Variants in TSPYL4 observed in about 807,000 individuals in gnomAD.
The protein encoded by TSPYL4 is TSPY like 4.
TSPYL4 carries 22 observed loss-of-function variants against 24.2 expected under a neutral mutation model. The observed-to-expected ratio is 0.91, with a 90% CI of 0.65 to 1.30. TSPYL4 has a LOEUF of 1.30. Among genes scored for constraint, TSPYL4 ranks in the 50% most tolerant of loss-of-function variants. The pLI is 0.00. For synonymous variants in TSPYL4, 211 were observed against 208.2 expected, an observed-to-expected ratio of 1.01 and a Z score of -0.12; for missense variants, 569 against 536.7, an observed-to-expected ratio of 1.06 and a Z score of -0.60.
At position 116,253,603 on chromosome 6, in the gene TSPYL4, C is replaced by A. The variant is rs1249840660; in HGVS notation, c.406G>T (p.Ala136Ser). ...AGQKALEACG[A>S]GGLGSQMIPG... ...ATCATCTGAGACCCCAAGCCCCCTG[C>A]GCCACAGGCTTCTAGAGCCTTCTGC... Residue 136 changes from alanine (A) to serine (S), a missense_variant, in exon 1 of 1, where the codon GCA becomes TCA. Physicochemically the swap from Ala to Ser is moderately conservative, Grantham distance 99. Transcript: ENST00000420283. The surrounding 1 kb of genome is among the most constrained non-coding windows in gnomAD (Gnocchi z 4.3). 16 of 1,552,788 alleles carry A rather than the reference C, an allele frequency of 1.0e-5. No individual in the cohort carries two copies. In the Admixed American group the frequency reaches 1.6e-4, roughly 15 times the overall value.
At position 116,253,086 on chromosome 6, in the gene TSPYL4, T is replaced by C; in HGVS notation, c.923A>G (p.Asn308Ser). The C allele has an allele frequency of 6.2e-7, 1 of 1,614,064 alleles. No homozygotes were observed. Among genetic ancestry groups the C allele is most frequent in the Non-Finnish European group, 8.5e-7 (1 of 1,180,002 alleles). The change falls in exon 1 of 1, where the codon AAT (asparagine) becomes AGT (serine). Residue 308 changes from asparagine (N) to serine (S), a missense_variant. Transcript: ENST00000420283. The surrounding 1 kb of genome is among the most constrained non-coding windows in gnomAD (Gnocchi z 4.3). ...FIFQGNPYFR[N>S]EGLVKEYERR... ...TTCATATTCCTTGACAAGCCCCTCA[T>C]TTCGGAAGTAGGGGTTGCCCTGAAA...
chr6:116,252,821 T>A lies in TSPYL4; in HGVS notation c.1188A>T (p.Arg396=). 6 of 1,598,154 alleles carry A rather than the reference T, an allele frequency of 3.8e-6. No individual in the cohort carries two copies. Among genetic ancestry groups the A allele is most frequent in the Non-Finnish European group, 5.1e-6 (6 of 1,171,692 alleles). The change falls in exon 1 of 1, where the codon CGA becomes CGT. Residue 396 remains arginine, a synonymous_variant. Transcript: ENST00000420283. The part of the protein sequence containing the change: ...LMGEGPRRGI[R]GPPRQPVESA... ...TCTCCACTGGCTGCCTTGGTGGGCCTCGAATTCCTCTACGGGGCCCTTCAC... is the reference window on the plus strand; with the variant it reads ...TCTCCACTGGCTGCCTTGGTGGGCCACGAATTCCTCTACGGGGCCCTTCAC...
Position 116,253,830 on chromosome 6 carries a change from C to G in TSPYL4, c.179G>C (p.Gly60Ala), listed in dbSNP as rs1200008753. 6.2e-6 allele frequency: 10 copies of G among 1,611,626 alleles called. No individual in the cohort carries two copies. Among genetic ancestry groups the G allele is most frequent in the Non-Finnish European group, 7.6e-6 (9 of 1,179,090 alleles). Residue 60 changes from glycine (G) to alanine (A), a missense_variant, in exon 1 of 1, where the codon GGG becomes GCG. Gly to Ala is a moderately conservative substitution (Grantham distance 60, BLOSUM62 0). Transcript: ENST00000420283. This position sits in a 1 kb window ranked among gnomAD's most constrained non-coding sequence, Gnocchi z 4.3. ...GGGSLETVAE[G>A]GASQDPVDCG... is the part of the protein sequence containing the mutation. ...GTCGACAGGATCCTGGGATGCACCCCCCTCCGCAACGGTCTCCAGGCTGCC... is the reference window on the plus strand; with the variant it reads ...GTCGACAGGATCCTGGGATGCACCCGCCTCCGCAACGGTCTCCAGGCTGCC...
rs1360993676 is a variant in TSPYL4 at position 116,251,058 on chromosome 6, G to C, written c.*1706C>G. On this transcript the variant is annotated 3_prime_UTR_variant, in exon 1 of 1. Coordinates refer to ENST00000420283, the MANE Select transcript of TSPYL4 (RefSeq NM_021648.5). Reference sequence around the variant, plus strand: ...GCAGGGAAGGAAATGCAGAAGCTGAGAAATGAGGGCCAAGAAAGCCAGGCA... The same window carrying C: ...GCAGGGAAGGAAATGCAGAAGCTGACAAATGAGGGCCAAGAAAGCCAGGCA... 3 of 396,642 alleles carry C rather than the reference G, an allele frequency of 7.6e-6. No homozygotes were observed. The South Asian group carries it at 4.2e-4, about 55-fold the overall frequency. The allele number at this position is 396,642 out of a possible 1,614,324, so 24.6% of individuals were successfully genotyped here. A position where few individuals can be genotyped will look rare whatever the true frequency, so the allele number is the denominator to read the frequency against.
In TSPYL4 at chr6:116,251,426, T is replaced by A. The variant is rs1242274205; in HGVS notation, c.*1338A>T. The A allele has an allele frequency of 2.5e-6, 1 of 393,576 alleles. No homozygotes were observed. Among genetic ancestry groups the A allele is most frequent in the Non-Finnish European group, 4.5e-6 (1 of 223,592 alleles). The allele number at this position is 393,576 out of a possible 1,614,324, so 24.4% of individuals were successfully genotyped here. A position where few individuals can be genotyped will look rare whatever the true frequency, so the allele number is the denominator to read the frequency against. ...ACTGCCTATAACTAAACAATTAACC[T>A]ATAGGTCTCCCTTTGAAACTTTCAG... On this transcript the variant is annotated 3_prime_UTR_variant, in exon 1 of 1. Transcript: ENST00000420283.
At position 116,253,829 on chromosome 6, in the gene TSPYL4, C is replaced by A. The variant is rs1459897193; in HGVS notation, c.180G>T (p.Gly60=). 6.2e-7 allele frequency: 1 copy of A among 1,611,558 alleles called. No homozygotes were observed. Among genetic ancestry groups the A allele is most frequent in the South Asian group, 1.1e-5 (1 of 90,422 alleles). The change falls in exon 1 of 1, where the codon GGG becomes GGT. Residue 60 remains glycine (G), a synonymous_variant. Transcript: ENST00000420283. The surrounding 1 kb of genome is among the most constrained non-coding windows in gnomAD (Gnocchi z 4.3). ...GGGSLETVAE[G]GASQDPVDCG... is the part of the protein sequence containing the mutation. The stretch of plus-strand genomic sequence containing the variant: ...AGTCGACAGGATCCTGGGATGCACC[C>A]CCCTCCGCAACGGTCTCCAGGCTGC...
chr6:116,254,013 G>T lies in TSPYL4; in HGVS notation c.-5C>A. 1 of 1,559,558 alleles carries T rather than the reference G, an allele frequency of 6.4e-7. No individual in the cohort carries two copies. The highest frequency in any genetic ancestry group is 8.7e-7 in the Non-Finnish European group (1 of 1,154,084). On this transcript the variant is annotated 5_prime_UTR_variant, in exon 1 of 1. Coordinates refer to ENST00000420283, the MANE Select transcript of TSPYL4 (RefSeq NM_021648.5). The stretch of plus-strand genomic sequence containing the variant: ...GCCCCCATCCAGGCCGCTCATTTTG[G>T]AAGAAGTCAGACTAGTGGGAGAGGG...
chr6:116,253,808 G>T lies in TSPYL4; in HGVS notation c.201C>A (p.Val67=). ...GGACGCGGAGCGCGGGGCCACAGTCGACAGGATCCTGGGATGCACCCCCCT... is the reference window on the plus strand; with the variant it reads ...GGACGCGGAGCGCGGGGCCACAGTCTACAGGATCCTGGGATGCACCCCCCT... The part of the protein sequence containing the change: ...VAEGGASQDP[V]DCGPALRVPV... The change falls in exon 1 of 1, where the codon GTC becomes GTA. Residue 67 remains valine (V), a synonymous_variant. Transcript: ENST00000420283. This position sits in a 1 kb window ranked among gnomAD's most constrained non-coding sequence, Gnocchi z 4.3. 6.2e-7 allele frequency: 1 copy of T among 1,607,602 alleles called. No individual in the cohort carries two copies. The highest frequency in any genetic ancestry group is 8.5e-7 in the Non-Finnish European group (1 of 1,176,848).
chr6:116,253,289 C>T lies in TSPYL4; in HGVS notation c.720G>A (p.Met240Ile), dbSNP rs201915650. The change falls in exon 1 of 1, where the codon ATG (methionine) becomes ATA (isoleucine). Residue 240 changes from methionine (M) to isoleucine (I), a missense_variant. Coordinates refer to ENST00000420283, the MANE Select transcript of TSPYL4 (RefSeq NM_021648.5). This position sits in a 1 kb window ranked among gnomAD's most constrained non-coding sequence, Gnocchi z 4.3. ...RKFGRMRRLH[M>I]QRRSFIIQNI... is the part of the protein sequence containing the mutation. ...TCTGGATAATGAAACTTCTGCGCTGCATGTGGAGCCTTCGCATGCGGCCAA... is the reference window on the plus strand; with the variant it reads ...TCTGGATAATGAAACTTCTGCGCTGTATGTGGAGCCTTCGCATGCGGCCAA... 9.0e-4 allele frequency: 1,448 copies of T among 1,604,940 alleles called. 1 individual carries two copies. Among genetic ancestry groups the T allele is most frequent in the Non-Finnish European group, 1.1e-3 (1,338 of 1,175,308 alleles).
In TSPYL4 at chr6:116,251,233, C is replaced by T. The variant is rs754817259; in HGVS notation, c.*1531G>A. ...TGGAGTGAGGCTAAGTTTTGGTTGC[C>T]TTTGCTCACATCACAAAGGCCTTTG... On this transcript the variant is annotated 3_prime_UTR_variant, in exon 1 of 1. Coordinates refer to ENST00000420283, the MANE Select transcript of TSPYL4 (RefSeq NM_021648.5). 53 of 398,570 alleles carry T rather than the reference C, an allele frequency of 1.3e-4. No homozygotes were observed. Among genetic ancestry groups the T allele is most frequent in the Non-Finnish European group, 2.3e-4 (53 of 226,124 alleles). 24.7% of individuals were successfully genotyped at this position (398,570 alleles called of 1,614,324 possible). A position where few individuals can be genotyped will look rare whatever the true frequency, so the allele number is the denominator to read the frequency against.
rs753855600 is a variant in TSPYL4, at chr6:116,253,796, G to C, written c.213C>G (p.Pro71=). 2.5e-6 allele frequency: 4 copies of C among 1,604,636 alleles called. No individual in the cohort carries two copies. Among genetic ancestry groups the C allele is most frequent in the African/African-American group, 1.3e-5 (1 of 74,764 alleles). The change falls in exon 1 of 1, where the codon CCC becomes CCG. Residue 71 remains proline (P), a synonymous_variant. Coordinates refer to ENST00000420283, the MANE Select transcript of TSPYL4 (RefSeq NM_021648.5). The surrounding 1 kb of genome is among the most constrained non-coding windows in gnomAD (Gnocchi z 4.3). ...TCCCGGCAACTGGGACGCGGAGCGC[G>C]GGGCCACAGTCGACAGGATCCTGGG... ...GASQDPVDCG[P]ALRVPVAGSR...
chr6:116,250,310 G>T lies in TSPYL4; in HGVS notation c.*2454C>A, dbSNP rs1024870109. On this transcript the variant is annotated 3_prime_UTR_variant, in exon 1 of 1. Coordinates refer to ENST00000420283, the MANE Select transcript of TSPYL4 (RefSeq NM_021648.5). ...GAGCAAAACAAGCTAATACATTAAT[G>T]AATATTCACTGAATTCTTCATACTG... is the stretch of plus-strand genomic sequence containing the variant. 20 of 152,592 alleles carry T rather than the reference G, an allele frequency of 1.3e-4. No homozygotes were observed. Among genetic ancestry groups the T allele is most frequent in the African/African-American group, 4.3e-4 (18 of 41,442 alleles). The allele number at this position is 152,592 out of a possible 1,614,324, so 9.5% of individuals were successfully genotyped here.
rs375497924 is a variant in TSPYL4 at position 116,253,989 on chromosome 6, C to A, written c.20G>T (p.Gly7Val). ...GGTTTGGGCGAGAGGGAGCTTGTTGCCCCCATCCAGGCCGCTCATTTTGGA... is the reference window on the plus strand; with the variant it reads ...GGTTTGGGCGAGAGGGAGCTTGTTGACCCCATCCAGGCCGCTCATTTTGGA... MSGLDG[G>V]NKLPLAQTGG... Residue 7 changes from glycine (G) to valine (V), a missense_variant, in exon 1 of 1, where the codon GGC (glycine) becomes GTC (valine). Coordinates refer to ENST00000420283, the MANE Select transcript of TSPYL4 (RefSeq NM_021648.5). The surrounding 1 kb of genome is among the most constrained non-coding windows in gnomAD (Gnocchi z 4.3). 1 of 1,587,348 alleles carries A rather than the reference C, an allele frequency of 6.3e-7. No homozygotes were observed. Among genetic ancestry groups the A allele is most frequent in the East Asian group, 2.2e-5 (1 of 44,640 alleles).
chr6:116,251,071 A>G lies in TSPYL4; in HGVS notation c.*1693T>C. The stretch of plus-strand genomic sequence containing the variant: ...TGCAGAAGCTGAGAAATGAGGGCCA[A>G]GAAAGCCAGGCAGTAGGATGGAGAC... On this transcript the variant is annotated 3_prime_UTR_variant, in exon 1 of 1. Transcript: ENST00000420283. The G allele has an allele frequency of 2.5e-6, 1 of 397,266 alleles. No individual in the cohort carries two copies. The highest frequency in any genetic ancestry group is 4.4e-6 in the Non-Finnish European group (1 of 225,570). 24.6% of individuals were successfully genotyped at this position (397,266 alleles called of 1,614,324 possible). A position where few individuals can be genotyped will look rare whatever the true frequency, so the allele number is the denominator to read the frequency against.
rs1314136991 is a variant in TSPYL4 at position 116,253,135 on chromosome 6, C to T, written c.874G>A (p.Ala292Thr). The T allele has an allele frequency of 1.2e-6, 2 of 1,614,022 alleles. No homozygotes were observed. The highest frequency in any genetic ancestry group is 1.6e-4 in the Middle Eastern group (1 of 6,062). The change falls in exon 1 of 1, where the codon GCA becomes ACA. Residue 292 changes from alanine (A) to threonine (T), a missense_variant. Physicochemically the swap from Ala to Thr is moderately conservative, Grantham distance 58 (BLOSUM62 0). Coordinates refer to ENST00000420283, the MANE Select transcript of TSPYL4 (RefSeq NM_021648.5). The surrounding 1 kb of genome is among the most constrained non-coding windows in gnomAD (Gnocchi z 4.3). Reference protein sequence around the residue: ...LEVEELKHPRAGCKFKFIFQG... With the variant: ...LEVEELKHPRTGCKFKFIFQG... Reference sequence around the variant, plus strand: ...AAGATGAACTTGAATTTGCAGCCTGCTCTGGGGTGTTTAAGCTCCTCCACC... The same window carrying T: ...AAGATGAACTTGAATTTGCAGCCTGTTCTGGGGTGTTTAAGCTCCTCCACC...
chr6:116,253,127 G>C lies in TSPYL4; in HGVS notation c.882C>G (p.Cys294Trp). 3 of 1,614,072 alleles carry C rather than the reference G, an allele frequency of 1.9e-6. No individual in the cohort carries two copies. The highest frequency in any genetic ancestry group is 8.5e-7 in the Non-Finnish European group (1 of 1,179,982). The change falls in exon 1 of 1, where the codon TGC becomes TGG. Residue 294 changes from cysteine (C) to tryptophan (W), a missense_variant. Transcript: ENST00000420283. The surrounding 1 kb of genome is among the most constrained non-coding windows in gnomAD (Gnocchi z 4.3). Reference sequence around the variant, plus strand: ...TGCCCTGAAAGATGAACTTGAATTTGCAGCCTGCTCTGGGGTGTTTAAGCT... The same window carrying C: ...TGCCCTGAAAGATGAACTTGAATTTCCAGCCTGCTCTGGGGTGTTTAAGCT... ...VEELKHPRAG[C>W]KFKFIFQGNP...
Position 116,253,128 on chromosome 6 carries a change from C to A in TSPYL4, c.881G>T (p.Cys294Phe). ...VEELKHPRAG[C>F]KFKFIFQGNP... Reference sequence around the variant, plus strand: ...GCCCTGAAAGATGAACTTGAATTTGCAGCCTGCTCTGGGGTGTTTAAGCTC... The same window carrying A: ...GCCCTGAAAGATGAACTTGAATTTGAAGCCTGCTCTGGGGTGTTTAAGCTC... The change falls in exon 1 of 1, where the codon TGC becomes TTC. Residue 294 changes from cysteine (C) to phenylalanine (F), a missense_variant. Coordinates refer to ENST00000420283, the MANE Select transcript of TSPYL4 (RefSeq NM_021648.5). The surrounding 1 kb of genome is among the most constrained non-coding windows in gnomAD (Gnocchi z 4.3). The A allele has an allele frequency of 6.2e-7, 1 of 1,614,064 alleles. No individual in the cohort carries two copies. The highest frequency in any genetic ancestry group is 1.7e-5 in the Admixed American group (1 of 60,014).
At position 116,252,812 on chromosome 6, in the gene TSPYL4, T is replaced by G; in HGVS notation, c.1197A>C (p.Pro399=). 1.3e-6 allele frequency: 2 copies of G among 1,599,362 alleles called. No individual in the cohort carries two copies. Among genetic ancestry groups the G allele is most frequent in the Non-Finnish European group, 1.7e-6 (2 of 1,172,314 alleles). The change falls in exon 1 of 1, where the codon CCA becomes CCC. Residue 399 remains proline, a synonymous_variant. Transcript: ENST00000420283. ...EGPRRGIRGP[P]RQPVESARSF... ...ATCTGGCGCTCTCCACTGGCTGCCT[T>G]GGTGGGCCTCGAATTCCTCTACGGG...
In TSPYL4 at chr6:116,250,365, ATGT is replaced by A. The variant is rs1437810016; in HGVS notation, c.*2396_*2398del. 5.9e-5 allele frequency: 9 copies of A among 152,792 alleles called. No individual in the cohort carries two copies. The East Asian group carries it at 7.7e-4, about 13-fold the overall frequency. The allele number at this position is 152,792 out of a possible 1,614,324, so 9.5% of individuals were successfully genotyped here. A position where few individuals can be genotyped will look rare whatever the true frequency, so the allele number is the denominator to read the frequency against. On this transcript the variant is annotated 3_prime_UTR_variant, in exon 1 of 1. Transcript: ENST00000420283. ...GGACACAAATTTGGTATTTTTGCAC[ATGT>A]TGTCAATTATAAGCAAAAAGCAGGC... is the stretch of plus-strand genomic sequence containing the variant.
Sources: gnomAD v4.1 joint callset for allele counts on GRCh38, gnomAD v4.1.1 for gene constraint, Gnocchi (gnomAD v3.1) non-coding constraint, MANE v1.5 for transcripts, NCBI Gene and HGNC (gene_info 2026-07-23, HGNC 2026-07-21) for gene names.